CLASP2: variants seen among roughly 807,000 people sequenced by gnomAD.
CLASP2 encodes CLIP-associating protein 2.
Under a neutral mutation model 194.4 loss-of-function variants are expected in CLASP2, and 47 were observed. That is an observed-to-expected ratio of 0.24 (90% CI 0.19 to 0.31). The LOEUF is 0.31. CLASP2 is among the 10% of genes least tolerant of loss of function. The pLI is 1.00. For missense variants in CLASP2, 1,445 were observed against 1,823.6 expected (o/e 0.79, Z 3.78); for synonymous variants, 619 against 633.5 (o/e 0.98, Z 0.34).
At chr3:33,576,622 G>A (rs2064950949) in intron 23 of CLASP2, among the ~76,000 whole-genome samples, 1 of 152,140 alleles carries the variant, frequency 6.6e-6, no homozygotes, top group Admixed American at 6.5e-5. Flanking sequence ...GAATCACAGA[G>A]TAACCCAGGA....
chr3:33,558,096 T>C (rs1419221474), intron 29 of CLASP2, among the ~76,000 whole-genome samples: 1 of 152,230 alleles, frequency 6.6e-6, no homozygotes, highest in Non-Finnish European at 1.5e-5. Flanking sequence ...TTCTCTTAGG[T>C]AAGATGCAGA....
chr3:33,692,173 A>C (rs999913712), intron 2 of CLASP2, among the ~76,000 whole-genome samples: 16 of 151,952 alleles, frequency 1.1e-4, no homozygotes, highest in Non-Finnish European at 1.5e-5. Context: ...TGTCTCAAAA[A>C]AATAATAAAT....
At chr3:33,625,137 T>TA (rs1394433827) in intron 10 of CLASP2, among the ~76,000 whole-genome samples, 3 of 130,138 alleles carry the variant, frequency 2.3e-5, no homozygotes, top group African/African-American at 5.9e-5. Context: ...AGCAAAACAA[T>TA]AAAAAATAAC....
chr3:33,510,139 A>C (rs1298297374), intron 37 of CLASP2, among the ~76,000 whole-genome samples: 1 of 152,252 alleles, frequency 6.6e-6, no homozygotes, highest in Non-Finnish European at 1.5e-5. Flanking sequence ...CAGACTTAAA[A>C]GGACAAATAT....
intron 30 of CLASP2, among the ~76,000 whole-genome samples, chr3:33,550,567 A>G (rs72854344): frequency 0.12 from 18,517 of 151,926 alleles, 1,182 homozygotes; most frequent in African/African-American, 0.14. Context: ...AGAAAATAAA[A>G]TAATAATCTA....
chr3:33,690,872 C>T (rs1278721530), intron 2 of CLASP2, among the ~76,000 whole-genome samples: 1 of 152,152 alleles, frequency 6.6e-6, no homozygotes, highest in Non-Finnish European at 1.5e-5. Flanking sequence ...TAGCAGCAGT[C>T]CCCAGTCTTC....
At chr3:33,571,014 A>ATTTTTTTTTTTTTTTTTTTTT (rs1276472825) in intron 25 of CLASP2, among the ~76,000 whole-genome samples, 22 of 127,740 alleles carry the variant, frequency 1.7e-4, no homozygotes, top group Non-Finnish European at 3.5e-4. Context: ...TGTCTCTATA[A>ATTTTTTTTTTTTTTTTTTTTT]ATTTTTTTTT....
At chr3:33,520,552 T>C (rs748954823) in intron 34 of CLASP2, among the ~76,000 whole-genome samples, 13 of 152,002 alleles carry the variant, frequency 8.6e-5, no homozygotes, top group Admixed American at 2.0e-4. Flanking sequence ...AGGGCATTCA[T>C]GGTTTTGAGT....
chr3:33,530,094 C>T (rs181360044), intron 34 of CLASP2, among the ~76,000 whole-genome samples: 25 of 151,004 alleles, frequency 1.7e-4, no homozygotes, highest in Admixed American at 7.3e-4. Flanking sequence ...CTGAAGGACC[C>T]GAATGAGGCT....
rs1181779882 is a variant in CLASP2, at chr3:33,648,015, A to C, written c.716-3112T>G. Among the ~76,000 whole-genome samples, 3 of 150,970 alleles carry C rather than the reference A, an allele frequency of 2.0e-5. No individual in the cohort carries two copies. In the East Asian group the frequency reaches 5.9e-4, roughly 30 times the overall value. On this transcript the variant is annotated intron_variant, in intron 7 of 38. Coordinates refer to ENST00000682230, the MANE Select transcript of CLASP2 (RefSeq NM_001365631.1). ...ACCACTGCATTCCAGCCTGGGCAACAGAGCGAGATTCCGTCTGCAAAAAAA... is the reference window on the plus strand; with the variant it reads ...ACCACTGCATTCCAGCCTGGGCAACCGAGCGAGATTCCGTCTGCAAAAAAA...
At chr3:33,717,768 C>T (rs765053472) in intron 1 of CLASP2, 40 bp downstream of exon 1, 68 of 1,543,316 alleles carry the variant, frequency 4.4e-5, no homozygotes, top group Non-Finnish European at 5.3e-5. Context: ...AGGGCTGCCG[C>T]GGAGGGCGTG....
intron 18 of CLASP2, among the ~76,000 whole-genome samples, chr3:33,598,708 C>A (rs2071182653): frequency 6.6e-6 from 1 of 152,196 alleles, no homozygotes; most frequent in African/African-American, 2.4e-5. Flanking sequence ...TACACAGATT[C>A]TCTTTCCAAC....
chr3:33,499,875 T>C (rs1184268229), intron 38 of CLASP2, among the ~76,000 whole-genome samples: 1 of 152,054 alleles, frequency 6.6e-6, no homozygotes. Flanking sequence ...TGGGCAAAAA[T>C]AGGAATTCAG....
At chr3:33,543,385 T>G (rs1576194934) in intron 32 of CLASP2, 48 bp downstream of exon 32, 1 of 1,257,430 alleles carries the variant, frequency 8.0e-7, no homozygotes, top group Non-Finnish European at 1.2e-6. Context: ...AAAGAAAGAA[T>G]GGGAATTTAC....
At chr3:33,674,220 G>T (rs1266539373) in intron 6 of CLASP2, among the ~76,000 whole-genome samples, 1 of 152,124 alleles carries the variant, frequency 6.6e-6, no homozygotes, top group African/African-American at 2.4e-5. Flanking sequence ...AAATGTAAAA[G>T]AACAGAAATT....
chr3:33,689,957 A>T, intron 2 of CLASP2, 25 bp from the exon 3 acceptor site: 10 of 1,442,360 alleles, frequency 6.9e-6, no homozygotes, highest in Non-Finnish European at 9.4e-6. Context: ...GGAGTAAAAG[A>T]GTAATTACTT....
chr3:33,662,507 G>A (rs1031424724), intron 7 of CLASP2, among the ~76,000 whole-genome samples: 1 of 152,144 alleles, frequency 6.6e-6, no homozygotes, highest in East Asian at 1.9e-4. Context: ...TTATGCTTCT[G>A]GAACTAAGTT....
At chr3:33,706,737 G>A (rs1371870320) in intron 1 of CLASP2, among the ~76,000 whole-genome samples, 1 of 152,130 alleles carries the variant, frequency 6.6e-6, no homozygotes, top group East Asian at 1.9e-4. Context: ...CAAGACGGGA[G>A]GAATGCTTGA....
At chr3:33,556,727 G>A (rs1025438585) in intron 29 of CLASP2, among the ~76,000 whole-genome samples, 3 of 151,866 alleles carry the variant, frequency 2.0e-5, no homozygotes, top group Non-Finnish European at 2.9e-5. Flanking sequence ...GTGAGCCACC[G>A]TGCCCAGCCA....
Sources: gnomAD v4.1 joint callset for allele counts (sites outside exome capture counted in the v4.1 genomes callset) on GRCh38, gnomAD v4.1.1 for gene constraint, MANE v1.5 for transcripts, NCBI Gene and HGNC (gene_info 2026-07-23, HGNC 2026-07-21) for gene names.